The following SGCZ variants were observed in gnomAD, a reference collection of about 807,000 sequenced individuals.
SGCZ encodes zeta-sarcoglycan.
In SGCZ, 40 loss-of-function variants were observed where a neutral mutation model predicts 41.3. That is an observed-to-expected ratio of 0.97 (90% CI 0.75 to 1.26). The LOEUF is 1.26. Among genes scored for constraint, SGCZ ranks in the 50% most tolerant of loss-of-function variants. The pLI, the probability that SGCZ is intolerant of heterozygous loss-of-function variation, is 0.00. For synonymous variants in SGCZ, 206 were observed against 137.5 expected, an observed-to-expected ratio of 1.50 and a Z score of -3.49; for missense variants, 552 against 369.8, an observed-to-expected ratio of 1.49 and a Z score of -4.04.
chr8:14,130,153 T>G (rs1802994016), intron 5 of SGCZ, among the ~76,000 whole-genome samples: 1 of 152,142 alleles, frequency 6.6e-6, no homozygotes, highest in Non-Finnish European at 1.5e-5. Flanking sequence ...AGAATAAAAT[T>G]GAAATTAAAA....
intron 1 of SGCZ, among the ~76,000 whole-genome samples, chr8:14,909,385 A>G (rs1024373650): frequency 1.3e-5 from 2 of 152,210 alleles, no homozygotes; most frequent in Non-Finnish European, 2.9e-5. Flanking sequence ...GTCTTTAATT[A>G]ATTTCGTGTT....
At chr8:15,168,449 C>T (rs1488524701) in intron 1 of SGCZ, among the ~76,000 whole-genome samples, 1 of 152,208 alleles carries the variant, frequency 6.6e-6, no homozygotes, top group Non-Finnish European at 1.5e-5. Flanking sequence ...AGAGAATTCC[C>T]TATTCTCTAG....
At chr8:15,107,647 C>A (rs1345163492) in intron 1 of SGCZ, among the ~76,000 whole-genome samples, 1 of 152,126 alleles carries the variant, frequency 6.6e-6, no homozygotes. Flanking sequence ...ACTACATAAA[C>A]CTTTTTTTTG....
chr8:14,234,484 T>G (rs1806685274), intron 4 of SGCZ, among the ~76,000 whole-genome samples: 1 of 152,138 alleles, frequency 6.6e-6, no homozygotes, highest in Admixed American at 6.5e-5. Flanking sequence ...GTTTTTAGAA[T>G]TGACTATACC....
At chr8:14,803,572 G>T (rs1801408062) in intron 1 of SGCZ, among the ~76,000 whole-genome samples, 1 of 152,098 alleles carries the variant, frequency 6.6e-6, no homozygotes, top group Non-Finnish European at 1.5e-5. Flanking sequence ...CGGCTCAGAG[G>T]GTCTGACGCC....
chr8:15,086,269 G>GA lies in SGCZ; in HGVS notation c.39+151315dup, dbSNP rs370127387. On this transcript the variant is annotated intron_variant, in intron 1 of 7. Transcript: ENST00000382080. Reference sequence around the variant, plus strand: ...TTATGTCTCTGTGTTCAGAAATCAGGAAAATATTCTTGCATACTCCGAAAA... The same window carrying GA: ...TTATGTCTCTGTGTTCAGAAATCAGGAAAAATATTCTTGCATACTCCGAAAA... Among the ~76,000 whole-genome samples, 669 of 152,204 alleles carry GA rather than the reference G, an allele frequency of 4.4e-3. 6 individuals are homozygous for GA. The highest frequency in any genetic ancestry group is 0.015 in the African/African-American group (627 of 41,520).
chr8:14,126,244 T>G (rs938368032), intron 5 of SGCZ, among the ~76,000 whole-genome samples: 1 of 152,176 alleles, frequency 6.6e-6, no homozygotes. Context: ...GACAAATGTC[T>G]AACATCCCGA....
intron 1 of SGCZ, among the ~76,000 whole-genome samples, chr8:15,008,603 C>T (rs1348397958): frequency 2.6e-5 from 1 of 38,504 alleles, no homozygotes. Context: ...GAAGGACAGA[C>T]GGACAGACTG....
intron 5 of SGCZ, among the ~76,000 whole-genome samples, chr8:14,146,678 C>T (rs1007143825): frequency 6.6e-6 from 1 of 151,546 alleles, no homozygotes; most frequent in Admixed American, 6.6e-5. Context: ...CGAGACCATC[C>T]CGGCTAAAAC....
At chr8:14,330,756 A>G (rs1802288721) in intron 2 of SGCZ, among the ~76,000 whole-genome samples, 2 of 152,058 alleles carry the variant, frequency 1.3e-5, no homozygotes, top group East Asian at 1.9e-4. Context: ...AAGATTTAAG[A>G]TACTGCTTAC....
chr8:14,346,031 C>T (rs1802881147), intron 2 of SGCZ, among the ~76,000 whole-genome samples: 1 of 152,004 alleles, frequency 6.6e-6, no homozygotes, highest in Admixed American at 6.6e-5. Context: ...ATTTGTCAAA[C>T]CCCCTAGAAT....
intron 2 of SGCZ, among the ~76,000 whole-genome samples, chr8:14,371,393 T>C (rs1319036473): frequency 6.6e-6 from 1 of 152,106 alleles, no homozygotes; most frequent in Non-Finnish European, 1.5e-5. Context: ...CATTTTCCGG[T>C]ATTAGCAATA....
intron 1 of SGCZ, among the ~76,000 whole-genome samples, chr8:14,973,265 C>T (rs1033832598): frequency 1.3e-5 from 2 of 152,074 alleles, no homozygotes; most frequent in African/African-American, 4.8e-5. Context: ...GAAGATAGTA[C>T]CCCATCATCT....
At position 14,856,096 on chromosome 8, in the gene SGCZ, T is replaced by C. The variant is rs181416125; in HGVS notation, c.40-301170A>G. 2.9e-3 allele frequency among the ~76,000 whole-genome samples: 434 copies of C among 152,274 alleles called. 3 individuals are homozygous for C. Among genetic ancestry groups the C allele is most frequent in the African/African-American group, 9.9e-3 (412 of 41,538 alleles). The stretch of plus-strand genomic sequence containing the variant: ...AAATTAATCAAAATAAAACATATAA[T>C]ATTTAGGTCGAGGATAGGATTAAGG... On this transcript the variant is annotated intron_variant, in intron 1 of 7. Transcript: ENST00000382080.
intron 1 of SGCZ, among the ~76,000 whole-genome samples, chr8:14,967,230 C>T (rs1801151418): frequency 1.3e-5 from 2 of 152,174 alleles, no homozygotes; most frequent in African/African-American, 2.4e-5. Context: ...TTCAGTATAT[C>T]CCTGGTGGTG....
At chr8:14,999,987 A>C (rs1802357263) in intron 1 of SGCZ, among the ~76,000 whole-genome samples, 1 of 152,192 alleles carries the variant, frequency 6.6e-6, no homozygotes. Context: ...TCTCAGGACT[A>C]GAATGTGACT....
intron 1 of SGCZ, among the ~76,000 whole-genome samples, chr8:14,951,764 G>A (rs1176986444): frequency 6.6e-6 from 1 of 152,026 alleles, no homozygotes; most frequent in African/African-American, 2.4e-5. Flanking sequence ...ATGTATCTGT[G>A]CGTATAAAAA....
Position 14,555,423 on chromosome 8 carries a change from G to A in SGCZ, c.40-497C>T, listed in dbSNP as rs148579395. Among the ~76,000 whole-genome samples the A allele has an allele frequency of 2.7e-3, 408 of 151,986 alleles. 2 individuals are homozygous for A. The highest frequency in any genetic ancestry group is 9.5e-3 in the African/African-American group (393 of 41,478). ...GTTCTCATGGGACGTGGTTAAGTGG[G>A]TGGCACCTCCCCACTCCCTCTTGGA... On this transcript the variant is annotated intron_variant, in intron 1 of 7. Coordinates refer to ENST00000382080, the MANE Select transcript of SGCZ (RefSeq NM_139167.4).
At chr8:15,035,897 T>C (rs769659517) in intron 1 of SGCZ, among the ~76,000 whole-genome samples, 11 of 152,100 alleles carry the variant, frequency 7.2e-5, no homozygotes, top group Non-Finnish European at 2.9e-5. Context: ...ATGAGAACTT[T>C]AATATTGCAT....
Sources: allele counts gnomAD v4.1 joint callset (sites outside exome capture counted in the v4.1 genomes callset), GRCh38; gene constraint gnomAD v4.1.1; transcripts MANE v1.5; gene names NCBI Gene and HGNC (gene_info 2026-07-23, HGNC 2026-07-21).